Variants in SCN11A observed in about 807,000 individuals in gnomAD.
SCN11A encodes sodium voltage-gated channel alpha subunit 11.
SCN11A carries 122 observed loss-of-function variants against 162.2 expected under a neutral mutation model. The ratio of observed to expected loss-of-function variants is 0.75; its 90% CI spans 0.65 to 0.87. SCN11A has a LOEUF of 0.87. Among genes scored for constraint, SCN11A ranks in the 40% least tolerant of loss-of-function variants. The pLI, the probability that SCN11A is intolerant of heterozygous loss-of-function variation, is 0.00. For missense variants in SCN11A, 2,015 were observed against 2,181.6 expected (o/e 0.92, Z 1.52); for synonymous variants, 758 against 751.5 (o/e 1.01, Z -0.14).
intron 29 of SCN11A, 102 bp downstream of exon 29, chr3:38,850,379 G>A (rs1037863839): frequency 9.1e-7 from 1 of 1,097,136 alleles, no homozygotes; most frequent in African/African-American, 1.6e-5. Context: ...ACTTGGCCCA[G>A]TTTTCTGCTT....
At chr3:39,014,127 T>C (rs1377554739) in intron 2 of SCN11A, among the ~76,000 whole-genome samples, 1 of 152,214 alleles carries the variant, frequency 6.6e-6, no homozygotes, top group Non-Finnish European at 1.5e-5. Context: ...TTTTAGTCCT[T>C]ACTCGTCCTG....
intron 4 of SCN11A, among the ~76,000 whole-genome samples, chr3:38,951,490 TCCACGGCGC>T (rs2066615734): frequency 1.3e-5 from 2 of 152,204 alleles, no homozygotes; most frequent in Admixed American, 1.3e-4. Flanking sequence ...CGCCCTCTGC[TCCACGGCGC>T]CCAGTCCCAT....
chr3:38,869,620 T>C (rs1242068351), intron 26 of SCN11A, among the ~76,000 whole-genome samples: 1 of 152,146 alleles, frequency 6.6e-6, no homozygotes, highest in Non-Finnish European at 1.5e-5. Flanking sequence ...ACAACTGGAA[T>C]GGCCATAAAG....
At chr3:39,012,298 C>G (rs2031162538) in intron 2 of SCN11A, among the ~76,000 whole-genome samples, 1 of 152,064 alleles carries the variant, frequency 6.6e-6, no homozygotes, top group Admixed American at 6.6e-5. Flanking sequence ...GCACTCCAGC[C>G]TGGGCAACAA....
At chr3:38,864,801 AG>A (rs776945575) in intron 27 of SCN11A, among the ~76,000 whole-genome samples, 11 of 152,196 alleles carry the variant, frequency 7.2e-5, no homozygotes, top group Non-Finnish European at 1.6e-4. Context: ...AGAACAAGAA[AG>A]TTGTCAAATG....
chr3:38,894,979 G>T lies in SCN11A; in HGVS notation c.2404-15C>A. The T allele has an allele frequency of 6.4e-7, 1 of 1,569,934 alleles. No individual in the cohort carries two copies. Reference sequence around the variant, plus strand: ...AGGTTGAGCACCTGGGAATGGGGTGGGTAGCAAGAAGAAAGGAAAGTTTAG... The same window carrying T: ...AGGTTGAGCACCTGGGAATGGGGTGTGTAGCAAGAAGAAAGGAAAGTTTAG... On this transcript the variant is annotated splice_polypyrimidine_tract_variant and intron_variant, in intron 18 of 29. Transcript: ENST00000302328.
intron 14 of SCN11A, 139 bp from the exon 15 acceptor site, chr3:38,905,460 C>T: frequency 1.2e-6 from 1 of 869,504 alleles, no homozygotes; most frequent in Non-Finnish European, 1.7e-6. Context: ...GTCTTTACAG[C>T]ATGCCAAATA....
At chr3:39,036,530 G>C (rs1052720757) in intron 1 of SCN11A, among the ~76,000 whole-genome samples, 9 of 152,148 alleles carry the variant, frequency 5.9e-5, no homozygotes, top group Non-Finnish European at 1.2e-4. Context: ...AAAAGCTTCT[G>C]CACAGCAAAG....
At position 38,885,350 on chromosome 3, in the gene SCN11A, T is replaced by C; in HGVS notation, c.3002A>G (p.Asp1001Gly). 6.2e-7 allele frequency: 1 copy of C among 1,613,716 alleles called. No individual in the cohort carries two copies. Among genetic ancestry groups the C allele is most frequent in the Non-Finnish European group, 8.5e-7 (1 of 1,179,594 alleles). Reference sequence around the variant, plus strand: ...CATCTCAGGTAACCATCCAAAGCCATCCTGAAGATCAATGGTGCTACATTC... The same window carrying C: ...CATCTCAGGTAACCATCCAAAGCCACCCTGAAGATCAATGGTGCTACATTC... Reference protein sequence around the residue: ...LSECSTIDLQDGFGWLPEMVP... With the variant: ...LSECSTIDLQGGFGWLPEMVP... The change falls in exon 21 of 30, where the codon GAT becomes GGT. Residue 1001 changes from aspartate to glycine, a missense_variant. By Grantham distance (94) the Asp-to-Gly change is moderately conservative. Transcript: ENST00000302328.
intron 4 of SCN11A, among the ~76,000 whole-genome samples, chr3:38,951,783 A>G (rs2066622442): frequency 1.3e-5 from 2 of 152,080 alleles, no homozygotes; most frequent in African/African-American, 4.8e-5. Flanking sequence ...TCTGTATCTA[A>G]CTAATCTGAT....
At chr3:38,972,356 C>G (rs2066821647) in intron 2 of SCN11A, among the ~76,000 whole-genome samples, 1 of 152,112 alleles carries the variant, frequency 6.6e-6, no homozygotes, top group African/African-American at 2.4e-5. Flanking sequence ...ATGCTCTGGT[C>G]CCCTAGCAGG....
intron 16 of SCN11A, 51 bp downstream of exon 16, chr3:38,903,812 TTA>T (rs2065742108): frequency 7.4e-7 from 1 of 1,346,338 alleles, no homozygotes; most frequent in African/African-American, 1.6e-5. Context: ...TTTGAAAAAG[TTA>T]TACTTTAAAG....
chr3:38,934,286 A>G (rs1300577368), intron 7 of SCN11A, among the ~76,000 whole-genome samples: 1 of 152,252 alleles, frequency 6.6e-6, no homozygotes, highest in Non-Finnish European at 1.5e-5. Flanking sequence ...AATTGTAAAG[A>G]CCATTGAGGC....
chr3:38,905,450 G>A (rs1276602879), intron 14 of SCN11A, 129 bp from the exon 15 acceptor site: 6 of 964,060 alleles, frequency 6.2e-6, no homozygotes, highest in South Asian at 2.0e-5. Flanking sequence ...TACTCACCTC[G>A]TCTTTACAGC....
At chr3:39,009,748 C>T (rs2031075469) in intron 2 of SCN11A, among the ~76,000 whole-genome samples, 1 of 150,648 alleles carries the variant, frequency 6.6e-6, no homozygotes, top group African/African-American at 2.5e-5. Flanking sequence ...ATGATTATAG[C>T]TCACTGCAGC....
chr3:38,864,937 G>C (rs1474982391), intron 27 of SCN11A, among the ~76,000 whole-genome samples: 1 of 152,162 alleles, frequency 6.6e-6, no homozygotes, highest in Admixed American at 6.5e-5. Context: ...TAAAGGCTCA[G>C]ACCAATTTGA....
rs1169508336 is a variant in SCN11A at position 38,921,130 on chromosome 3, TCA to T, written c.836_837del (p.Leu279GlnfsTer10). ...CAGTCCCTCGAGATGCATTTCAGGT[TCA>T]GACTTCCCATGAAGAGCTGCTGACC... ...LVGQQLFMGS[L>X]NLKCISRDCK... is the part of the protein sequence containing the mutation. On this transcript the variant is annotated frameshift_variant, in exon 10 of 30. Transcript: ENST00000302328. LOFTEE classifies it high-confidence loss of function. 5 of 1,613,962 alleles carry T rather than the reference TCA, an allele frequency of 3.1e-6. No individual in the cohort carries two copies. The highest frequency in any genetic ancestry group is 1.3e-5 in the African/African-American group (1 of 74,918).
Position 38,863,910 on chromosome 3 carries a change from T to C in SCN11A, c.3952-611A>G, listed in dbSNP as rs114649744. On this transcript the variant is annotated intron_variant, in intron 27 of 29. Transcript: ENST00000302328. ...ATGTAAAGCTGAACTGGCATAAAAG[T>C]AAGAAAAAAATTGGGGGTCTGAAAA... 9.0e-3 allele frequency among the ~76,000 whole-genome samples: 1,369 copies of C among 151,932 alleles called. 28 individuals carry two copies. Among genetic ancestry groups the C allele is most frequent in the African/African-American group, 0.031 (1,302 of 41,440 alleles).
rs113975052 is a variant in SCN11A, at chr3:38,877,753, T to C, written c.3393+2197A>G. On this transcript the variant is annotated intron_variant, in intron 23 of 29. Coordinates refer to ENST00000302328, the MANE Select transcript of SCN11A (RefSeq NM_001349253.2). ...TATGGTATATATATGGTGTATATAC[T>C]ATATATATGGTATATATATGGTGTA... is the stretch of plus-strand genomic sequence containing the variant. 5.8e-3 allele frequency among the ~76,000 whole-genome samples: 627 copies of C among 107,408 alleles called. 32 individuals carry two copies. The highest frequency in any genetic ancestry group is 0.031 in the African/African-American group (508 of 16,206). 70.5% of individuals were successfully genotyped at this position (107,408 alleles called of 152,430 possible).
Sources: allele counts gnomAD v4.1 joint callset (sites outside exome capture counted in the v4.1 genomes callset), GRCh38; gene constraint gnomAD v4.1.1; transcripts MANE v1.5; gene names NCBI Gene and HGNC (gene_info 2026-07-23, HGNC 2026-07-21).